Variants in CSMD1 observed in about 807,000 individuals in gnomAD.
The protein encoded by CSMD1 is CUB and Sushi multiple domains 1, also known as CUB and sushi domain-containing protein 1.
Under a neutral mutation model 417.5 loss-of-function variants are expected in CSMD1, and 213 were observed. The ratio of observed to expected loss-of-function variants is 0.51; its 90% CI spans 0.46 to 0.57. The LOEUF (loss-of-function observed/expected upper bound fraction) is 0.57, where lower values mean the gene tolerates loss of function less well. Ranked by LOEUF, CSMD1 falls within the 20% of genes least tolerant of loss-of-function variation. The probability of loss-of-function intolerance (pLI) is 0.00; values close to 1 mark genes in which losing one functional copy is unlikely to be tolerated. For synonymous variants in CSMD1, 2,862 were observed against 1,736.8 expected (o/e 1.65, Z -16.11); for missense variants, 6,923 against 4,529.7 (o/e 1.53, Z -15.17).
intron 2 of CSMD1, among the ~76,000 whole-genome samples, chr8:4,449,544 G>T (rs1450443691): frequency 2.0e-5 from 3 of 152,298 alleles, no homozygotes; most frequent in Non-Finnish European, 2.9e-5. Flanking sequence ...GTCACAGGAA[G>T]TTGGATCCCA....
chr8:3,279,767 A>T (rs1802589912), intron 26 of CSMD1, among the ~76,000 whole-genome samples: 1 of 152,104 alleles, frequency 6.6e-6, no homozygotes, highest in Admixed American at 6.6e-5. Flanking sequence ...GGTGTTAGAA[A>T]GGAGAAGTGC....
intron 1 of CSMD1, among the ~76,000 whole-genome samples, chr8:4,910,358 G>A (rs1805579246): frequency 6.6e-6 from 1 of 152,096 alleles, no homozygotes; most frequent in Non-Finnish European, 1.5e-5. Context: ...AATTTTGGCT[G>A]CTATAAAAAA....
intron 26 of CSMD1, among the ~76,000 whole-genome samples, chr8:3,258,878 G>C (rs1156914430): frequency 1.3e-5 from 2 of 152,154 alleles, no homozygotes; most frequent in South Asian, 4.1e-4. Context: ...ATTTATAACT[G>C]GGAGCTAAAC....
chr8:4,448,004 G>A (rs992745429), intron 2 of CSMD1, among the ~76,000 whole-genome samples: 7 of 152,186 alleles, frequency 4.6e-5, no homozygotes, highest in African/African-American at 9.6e-5. Context: ...CCAGGGGCAG[G>A]TGGTAAAACT....
At chr8:3,761,965 C>T (rs1798030617) in intron 5 of CSMD1, among the ~76,000 whole-genome samples, 1 of 152,134 alleles carries the variant, frequency 6.6e-6, no homozygotes, top group African/African-American at 2.4e-5. Context: ...ACACCAGTGG[C>T]CATAAGCATC....
chr8:3,832,888 C>G (rs1206348993), intron 5 of CSMD1, among the ~76,000 whole-genome samples: 4 of 152,034 alleles, frequency 2.6e-5, no homozygotes, highest in African/African-American at 9.7e-5. Flanking sequence ...GAAGAAAACC[C>G]ATATTGCATA....
At chr8:3,039,091 C>T (rs968800205) in intron 50 of CSMD1, among the ~76,000 whole-genome samples, 3 of 152,110 alleles carry the variant, frequency 2.0e-5, no homozygotes, top group African/African-American at 7.2e-5. Flanking sequence ...GCAAAGGGTA[C>T]TTAGAGAAAG....
At chr8:3,946,446 T>G (rs1218138210) in intron 5 of CSMD1, among the ~76,000 whole-genome samples, 9 of 152,176 alleles carry the variant, frequency 5.9e-5, no homozygotes, top group African/African-American at 1.9e-4. Context: ...AATATTGACA[T>G]CTTCAAATCG....
intron 12 of CSMD1, among the ~76,000 whole-genome samples, chr8:3,463,997 A>G (rs982899215): frequency 6.6e-6 from 1 of 152,218 alleles, no homozygotes; most frequent in African/African-American, 2.4e-5. Flanking sequence ...CGTTTCTTGT[A>G]TGAAATGGTG....
chr8:4,712,716 C>G (rs1018458314), intron 1 of CSMD1, among the ~76,000 whole-genome samples: 4 of 152,098 alleles, frequency 2.6e-5, no homozygotes, highest in African/African-American at 7.2e-5. Context: ...TTTTTTCTCT[C>G]TCTCTTTTTT....
chr8:3,565,368 G>T (rs924116767), intron 10 of CSMD1, among the ~76,000 whole-genome samples: 3 of 152,046 alleles, frequency 2.0e-5, no homozygotes, highest in Non-Finnish European at 4.4e-5. Flanking sequence ...ACGGGGAAAG[G>T]TCTGATTGAA....
At chr8:3,243,435 C>T (rs942513000) in intron 26 of CSMD1, among the ~76,000 whole-genome samples, 18 of 142,464 alleles carry the variant, frequency 1.3e-4, no homozygotes, top group African/African-American at 4.7e-4. Flanking sequence ...TGAAGGGAGA[C>T]TTTGAGTAGG....
At chr8:3,503,397 G>C (rs1563100622) in intron 10 of CSMD1, among the ~76,000 whole-genome samples, 1 of 152,218 alleles carries the variant, frequency 6.6e-6, no homozygotes, top group African/African-American at 2.4e-5. Context: ...AGTCAAAGCT[G>C]CTAGTGATTC....
intron 50 of CSMD1, among the ~76,000 whole-genome samples, chr8:3,035,566 G>C (rs1344961327): frequency 6.6e-6 from 1 of 152,058 alleles, no homozygotes; most frequent in East Asian, 1.9e-4. Flanking sequence ...ATAGTTTCAG[G>C]AATTGAATCG....
At position 3,919,406 on chromosome 8, in the gene CSMD1, T is replaced by G. The variant is rs76225619; in HGVS notation, c.818+78497A>C. On this transcript the variant is annotated intron_variant, in intron 5 of 69. Transcript: ENST00000635120. Reference sequence around the variant, plus strand: ...GTTGAAGAGACTCTCTTTTCCCCCATTGTGTCTTTTTGGCATGTTTTTTGG... The same window carrying G: ...GTTGAAGAGACTCTCTTTTCCCCCAGTGTGTCTTTTTGGCATGTTTTTTGG... Among the ~76,000 whole-genome samples, 842 of 152,186 alleles carry G rather than the reference T, an allele frequency of 5.5e-3. 9 individuals are homozygous for G. The highest frequency in any genetic ancestry group is 0.02 in the African/African-American group (818 of 41,532).
At chr8:3,639,676 T>C (rs537225471) in intron 7 of CSMD1, among the ~76,000 whole-genome samples, 24 of 152,362 alleles carry the variant, frequency 1.6e-4, no homozygotes, top group Non-Finnish European at 2.5e-4. Context: ...GAATGATGTA[T>C]GTAAACCCTA....
chr8:4,306,258 C>G (rs954531621), intron 3 of CSMD1, among the ~76,000 whole-genome samples: 2 of 152,160 alleles, frequency 1.3e-5, no homozygotes, highest in African/African-American at 4.8e-5. Context: ...CGTGGTGGCA[C>G]AAGTTGTAGA....
chr8:4,710,715 C>A (rs1319457293), intron 1 of CSMD1, among the ~76,000 whole-genome samples: 5 of 151,600 alleles, frequency 3.3e-5, no homozygotes, highest in Non-Finnish European at 7.4e-5. Context: ...CATGGGGCCA[C>A]ATGCCTGTAA....
chr8:4,642,161 C>G (rs187696663), intron 1 of CSMD1, among the ~76,000 whole-genome samples: 109 of 152,286 alleles, frequency 7.2e-4, no homozygotes, highest in African/African-American at 2.6e-3. Context: ...GGCAAGGAGC[C>G]TATAGGACTA....
Sources: gnomAD v4.1 joint callset for allele counts (sites outside exome capture counted in the v4.1 genomes callset) on GRCh38, gnomAD v4.1.1 for gene constraint, MANE v1.5 for transcripts, NCBI Gene and HGNC (gene_info 2026-07-23, HGNC 2026-07-21) for gene names.